B4GALNT3: variants seen among roughly 807,000 people sequenced by gnomAD.
B4GALNT3 encodes beta-1,4-N-acetyl-galactosaminyltransferase 3.
A neutral mutation model predicts 120.2 loss-of-function variants in B4GALNT3; 86 were observed. That is an observed-to-expected ratio of 0.72 (90% CI 0.60 to 0.86). The LOEUF is 0.86. B4GALNT3 is among the 40% of genes least tolerant of loss of function. The pLI, the probability that B4GALNT3 is intolerant of heterozygous loss-of-function variation, is 0.00. For synonymous variants in B4GALNT3, 518 were observed against 510.4 expected, an observed-to-expected ratio of 1.01 and a Z score of -0.20; for missense variants, 1,167 against 1,298.9, an observed-to-expected ratio of 0.90 and a Z score of 1.56.
At chr12:482,630 C>T (rs949739564) in intron 1 of B4GALNT3, among the ~76,000 whole-genome samples, 4 of 152,112 alleles carry the variant, frequency 2.6e-5, no homozygotes, top group East Asian at 3.8e-4. Context: ...TCAGGAAGGT[C>T]GTTATTTCCG....
intron 1 of B4GALNT3, among the ~76,000 whole-genome samples, chr12:532,982 T>G (rs1262129411): frequency 6.6e-6 from 1 of 152,196 alleles, no homozygotes; most frequent in African/African-American, 2.4e-5. Flanking sequence ...GCAGGCAGCA[T>G]TTCGTGGGTA....
intron 1 of B4GALNT3, among the ~76,000 whole-genome samples, chr12:516,388 T>G (rs1222594491): frequency 6.6e-6 from 1 of 152,114 alleles, no homozygotes; most frequent in Non-Finnish European, 1.5e-5. Flanking sequence ...CAAGAAACCT[T>G]CGCAGGGAAG....
chr12:468,236 ATTG>A (rs1354090625), intron 1 of B4GALNT3, among the ~76,000 whole-genome samples: 2 of 122,586 alleles, frequency 1.6e-5, no homozygotes, highest in Non-Finnish European at 3.9e-5. Context: ...TGACCTAGAC[ATTG>A]TTGAAAAAAT....
intron 1 of B4GALNT3, among the ~76,000 whole-genome samples, chr12:532,365 T>TA: frequency 6.6e-6 from 1 of 152,348 alleles, no homozygotes; most frequent in Non-Finnish European, 1.5e-5. Context: ...AGCTGCCTCT[T>TA]ACCTTCTGTT....
chr12:532,656 G>A (rs1232161741), intron 1 of B4GALNT3, among the ~76,000 whole-genome samples: 2 of 152,118 alleles, frequency 1.3e-5, no homozygotes, highest in Admixed American at 6.5e-5. Flanking sequence ...TAGGGGGCGG[G>A]GGGTTCTACT....
At chr12:484,271 C>A (rs552497200) in intron 1 of B4GALNT3, among the ~76,000 whole-genome samples, 1 of 152,188 alleles carries the variant, frequency 6.6e-6, no homozygotes, top group Non-Finnish European at 1.5e-5. Context: ...TTGTCAGTGA[C>A]GGTCATTCTG....
chr12:513,927 A>T (rs1227996806), intron 1 of B4GALNT3, among the ~76,000 whole-genome samples: 1 of 152,180 alleles, frequency 6.6e-6, no homozygotes, highest in Non-Finnish European at 1.5e-5. Flanking sequence ...TGTTGTGTGG[A>T]TAGACCACAT....
At chr12:524,039 C>T (rs762445412) in intron 1 of B4GALNT3, among the ~76,000 whole-genome samples, 2 of 152,180 alleles carry the variant, frequency 1.3e-5, no homozygotes, top group East Asian at 1.9e-4. Context: ...CTAGCCCAGG[C>T]GACGGTGAGA....
intron 3 of B4GALNT3, among the ~76,000 whole-genome samples, chr12:541,590 T>C (rs1213496969): frequency 2.0e-5 from 3 of 152,160 alleles, no homozygotes; most frequent in African/African-American, 7.2e-5. Context: ...GGGTGCCTTC[T>C]GGCCCCTCAG....
At chr12:556,986 G>A (rs550097312) in intron 15 of B4GALNT3, 120 bp downstream of exon 15, 48 of 1,077,608 alleles carry the variant, frequency 4.5e-5, no homozygotes, top group Middle Eastern at 3.1e-4. Context: ...CCACCTTATA[G>A]TTGAGGAAAC....
intron 1 of B4GALNT3, among the ~76,000 whole-genome samples, chr12:469,342 G>C (rs534450383): frequency 6.6e-6 from 1 of 152,264 alleles, no homozygotes; most frequent in South Asian, 2.1e-4. Context: ...GCACATATTA[G>C]GATCTCAATG....
rs577251745 is a variant in B4GALNT3, at chr12:554,752, T to A, written c.2060+769T>A. On this transcript the variant is annotated intron_variant, in intron 14 of 19. Coordinates refer to ENST00000266383, the MANE Select transcript of B4GALNT3 (RefSeq NM_173593.4). The stretch of plus-strand genomic sequence containing the variant: ...TTGCAGTGAGCTGAGATTGCGCCAC[T>A]GCACTCCAGCCTGGGCGACAGAGCA... Among the ~76,000 whole-genome samples the A allele has an allele frequency of 1.3e-3, 132 of 99,512 alleles. 2 individuals are homozygous for A. Among genetic ancestry groups the A allele is most frequent in the African/African-American group, 2.2e-3 (50 of 22,960 alleles). 65.3% of individuals were successfully genotyped at this position (99,512 alleles called of 152,430 possible).
intron 1 of B4GALNT3, among the ~76,000 whole-genome samples, chr12:522,778 G>GA (rs11367575): frequency 1.9e-3 from 278 of 146,938 alleles, no homozygotes; most frequent in African/African-American, 6.4e-3. Context: ...TACCAAAAAA[G>GA]AAAAAAAAAA....
In B4GALNT3 at chr12:543,790, A is replaced by G. The variant is rs1337931568; in HGVS notation, c.352-549A>G. On this transcript the variant is annotated intron_variant, in intron 3 of 19. Coordinates refer to ENST00000266383, the MANE Select transcript of B4GALNT3 (RefSeq NM_173593.4). ...CCAGAGCTGAGGAGCTGGGGCAGGC[A>G]TGGGGTGCTCATCTTCCCGGAGCTG... Among the ~76,000 whole-genome samples, 5 of 122,096 alleles carry G rather than the reference A, an allele frequency of 4.1e-5. 1 individual carries two copies. Among genetic ancestry groups the G allele is most frequent in the Non-Finnish European group, 8.7e-5 (5 of 57,660 alleles). The allele number at this position is 122,096 out of a possible 152,430, so 80.1% of individuals were successfully genotyped here.
Position 556,810 on chromosome 12 carries a change from G to T in B4GALNT3, c.2324G>T (p.Cys775Phe). ...ACCCGGGCCCAAGAGCCCAAGCTGT[G>T]CTGGCCTCAGGGTTTCTCCTGGAGT... ...LNTRAQEPKL[C>F]WPQGFSWSHR... The change falls in exon 15 of 20, where the codon TGC becomes TTC. Residue 775 changes from cysteine to phenylalanine, a missense_variant. Cys to Phe is a radical substitution (Grantham distance 205, BLOSUM62 -2). This residue lies in a region of B4GALNT3 where 983 missense variants were observed against 1,102.5 expected (regional missense o/e 0.89). Transcript: ENST00000266383. The T allele has an allele frequency of 6.2e-7, 1 of 1,613,728 alleles. No individual in the cohort carries two copies. Among genetic ancestry groups the T allele is most frequent in the South Asian group, 1.1e-5 (1 of 91,072 alleles).
intron 1 of B4GALNT3, among the ~76,000 whole-genome samples, chr12:462,725 C>T (rs7953530): frequency 1.3e-5 from 2 of 151,984 alleles, no homozygotes; most frequent in Non-Finnish European, 1.5e-5. Flanking sequence ...TTTTGTCCTG[C>T]GCTGTCCCGT....
chr12:470,006 C>T (rs1446471535), intron 1 of B4GALNT3, among the ~76,000 whole-genome samples: 1 of 152,110 alleles, frequency 6.6e-6, no homozygotes, highest in Non-Finnish European at 1.5e-5. Flanking sequence ...AACTAATTTG[C>T]CTGGTTTCCT....
chr12:543,911 C>T (rs1206942286), intron 3 of B4GALNT3, among the ~76,000 whole-genome samples: 93 of 106,076 alleles, frequency 8.8e-4, no homozygotes, highest in African/African-American at 2.5e-3. Context: ...GGAGCTGGGA[C>T]GGGCATGGGG....
At chr12:545,506 C>T (rs1288395850) in intron 6 of B4GALNT3, 37 bp downstream of exon 6, 1 of 1,542,938 alleles carries the variant, frequency 6.5e-7, no homozygotes, top group South Asian at 1.2e-5. Flanking sequence ...CCCATCTGCT[C>T]CTGGAGCCTG....
Sources: gnomAD v4.1 joint callset for allele counts (sites outside exome capture counted in the v4.1 genomes callset) on GRCh38, gnomAD v4.1.1 for gene constraint, gnomAD v4.1.1 regional missense constraint, MANE v1.5 for transcripts, NCBI Gene and HGNC (gene_info 2026-07-23, HGNC 2026-07-21) for gene names.